Variants in PALLD observed in about 807,000 individuals in gnomAD.
The protein encoded by PALLD is palladin.
A neutral mutation model predicts 123.5 loss-of-function variants in PALLD; 61 were observed. The observed-to-expected ratio is 0.49, with a 90% CI of 0.40 to 0.61. The LOEUF is 0.61. Ranked by LOEUF, PALLD falls within the 20% of genes least tolerant of loss-of-function variation. PALLD has a pLI of 0.00. For synonymous variants in PALLD, 465 were observed against 496.4 expected, an observed-to-expected ratio of 0.94 and a Z score of 0.84; for missense variants, 1,273 against 1,377.0, an observed-to-expected ratio of 0.92 and a Z score of 1.20.
intron 11 of PALLD, 141 bp downstream of exon 11, chr4:168,891,198 T>C (rs1052410904): frequency 1.3e-4 from 117 of 915,500 alleles, no homozygotes; most frequent in Non-Finnish European, 1.8e-4. Context: ...GGTCACACTT[T>C]GTCACCCATG....
At chr4:168,588,572 T>C (rs1771083185) in intron 2 of PALLD, among the ~76,000 whole-genome samples, 1 of 152,020 alleles carries the variant, frequency 6.6e-6, no homozygotes, top group Non-Finnish European at 1.5e-5. Context: ...CGGCTAACTT[T>C]TGTATTTTTA....
At chr4:168,767,544 T>C (rs1185418530) in intron 10 of PALLD, among the ~76,000 whole-genome samples, 1 of 21,642 alleles carries the variant, frequency 4.6e-5, no homozygotes, top group Non-Finnish European at 1.3e-4. Context: ...TGTCTCTGAT[T>C]TTTTTTTTTT....
chr4:168,523,070 A>T (rs1055019659), intron 2 of PALLD, among the ~76,000 whole-genome samples: 1 of 152,186 alleles, frequency 6.6e-6, no homozygotes, highest in Non-Finnish European at 1.5e-5. Flanking sequence ...TGTAAATAAA[A>T]ATACCCTAGG....
chr4:168,829,021 G>C (rs1235705540), intron 10 of PALLD: 2 of 152,236 alleles, frequency 1.3e-5, no homozygotes, highest in Non-Finnish European at 2.9e-5. Context: ...TTCAGAGGAG[G>C]ATGGAATATT....
intron 18 of PALLD, among the ~76,000 whole-genome samples, chr4:168,924,028 G>A (rs950608298): frequency 6.6e-6 from 1 of 152,196 alleles, no homozygotes; most frequent in African/African-American, 2.4e-5. Context: ...TGGACAGTGT[G>A]AGCCTATCAG....
At chr4:168,653,673 C>T (rs558886014) in intron 2 of PALLD, among the ~76,000 whole-genome samples, 11 of 152,274 alleles carry the variant, frequency 7.2e-5, no homozygotes, top group African/African-American at 2.4e-4. Flanking sequence ...ACAGCAAACA[C>T]GTATAGTCAT....
chr4:168,550,264 A>T (rs1766591865), intron 2 of PALLD, among the ~76,000 whole-genome samples: 1 of 133,048 alleles, frequency 7.5e-6, no homozygotes, highest in Non-Finnish European at 1.6e-5. Flanking sequence ...TGTCTGAGTC[A>T]GTGCAAAACT....
chr4:168,803,196 C>T (rs987475601), intron 10 of PALLD, among the ~76,000 whole-genome samples: 1 of 152,106 alleles, frequency 6.6e-6, no homozygotes, highest in African/African-American at 2.4e-5. Flanking sequence ...GGAAGCATGG[C>T]TGCGTGGCTG....
intron 2 of PALLD, among the ~76,000 whole-genome samples, chr4:168,587,525 TCAGTG>T (rs1410349234): frequency 6.6e-6 from 1 of 152,098 alleles, no homozygotes; most frequent in Non-Finnish European, 1.5e-5. Context: ...CAGGGAGGCT[TCAGTG>T]CTAGGGAGAG....
chr4:168,669,541 T>C (rs1779971534), intron 3 of PALLD, among the ~76,000 whole-genome samples: 1 of 152,020 alleles, frequency 6.6e-6, no homozygotes, highest in Non-Finnish European at 1.5e-5. Flanking sequence ...CAAGGTTACA[T>C]TGAGTTATGA....
chr4:168,604,387 A>G (rs755565921), intron 2 of PALLD, among the ~76,000 whole-genome samples: 5 of 152,186 alleles, frequency 3.3e-5, no homozygotes, highest in Non-Finnish European at 7.3e-5. Context: ...AACACACAAC[A>G]CCCAGAAAAA....
At chr4:168,501,976 T>C (rs894998565) in intron 1 of PALLD, among the ~76,000 whole-genome samples, 2 of 151,964 alleles carry the variant, frequency 1.3e-5, no homozygotes, top group African/African-American at 4.8e-5. Context: ...TCAAACCAAG[T>C]ATAAAAAGCT....
intron 4 of PALLD, 44 bp downstream of exon 4, chr4:168,681,442 G>A (rs1781536380): frequency 1.6e-6 from 2 of 1,235,112 alleles, no homozygotes; most frequent in African/African-American, 1.5e-5. Flanking sequence ...ACAAAGAATG[G>A]CAACAGAATG....
intron 10 of PALLD, among the ~76,000 whole-genome samples, chr4:168,754,315 A>G (rs1731475170): frequency 6.6e-6 from 1 of 152,270 alleles, no homozygotes; most frequent in African/African-American, 2.4e-5. Flanking sequence ...AGTTAAGATG[A>G]TTATATATGA....
At chr4:168,681,485 G>T in intron 4 of PALLD, 87 bp downstream of exon 4, 1 of 800,048 alleles carries the variant, frequency 1.2e-6, no homozygotes, top group Non-Finnish European at 2.1e-6. Context: ...GCTGTGCTTT[G>T]AAGAAAAAAG....
At chr4:168,889,416 G>C (rs1318647090) in intron 10 of PALLD, among the ~76,000 whole-genome samples, 5 of 151,798 alleles carry the variant, frequency 3.3e-5, no homozygotes, top group Non-Finnish European at 5.9e-5. Context: ...CACCCACCTT[G>C]GTCTCCCAAA....
chr4:168,734,356 C>T (rs1787516835), intron 10 of PALLD, among the ~76,000 whole-genome samples: 1 of 151,934 alleles, frequency 6.6e-6, no homozygotes, highest in Non-Finnish European at 1.5e-5. Flanking sequence ...CAAAGCTAAT[C>T]AGTGGCTTGA....
At chr4:168,551,158 A>C (rs1244569818) in intron 2 of PALLD, among the ~76,000 whole-genome samples, 1 of 152,114 alleles carries the variant, frequency 6.6e-6, no homozygotes, top group Non-Finnish European at 1.5e-5. Context: ...TGTTTTTTTC[A>C]ATTTCTCTTA....
intron 2 of PALLD, among the ~76,000 whole-genome samples, chr4:168,611,672 T>A (rs993298689): frequency 6.6e-6 from 1 of 152,178 alleles, no homozygotes; most frequent in Non-Finnish European, 1.5e-5. Flanking sequence ...ATTTGTCTGT[T>A]TTGAAGTTTT....
Sources: allele counts gnomAD v4.1 joint callset (sites outside exome capture counted in the v4.1 genomes callset), GRCh38; gene constraint gnomAD v4.1.1; transcripts MANE v1.5; gene names NCBI Gene and HGNC (gene_info 2026-07-23, HGNC 2026-07-21).